Variants in KIAA1671 observed in about 807,000 individuals in gnomAD.
KIAA1671 encodes the protein KIAA1671.
A neutral mutation model predicts 131.2 loss-of-function variants in KIAA1671; 52 were observed. That is an observed-to-expected ratio of 0.40 (90% confidence interval 0.32 to 0.50). KIAA1671 has a LOEUF of 0.50. Ranked by LOEUF, KIAA1671 falls within the 20% of genes least tolerant of loss-of-function variation. The pLI, the probability that KIAA1671 is intolerant of heterozygous loss-of-function variation, is 0.73. For synonymous variants in KIAA1671, 1,003 were observed against 961.6 expected (o/e 1.04, Z -0.80); for missense variants, 2,360 against 2,364.2 (o/e 1.00, Z 0.04).
At chr22:24,973,606 A>G (rs1024350208) in intron 1 of KIAA1671, among the ~76,000 whole-genome samples, 3 of 151,464 alleles carry the variant, frequency 2.0e-5, no homozygotes, top group African/African-American at 7.3e-5. Context: ...TACTAGGCCA[A>G]GCTGGTCTCT....
intron 6 of KIAA1671, among the ~76,000 whole-genome samples, chr22:25,136,799 G>A (rs1601346961): frequency 6.6e-6 from 1 of 152,216 alleles, no homozygotes. Context: ...TCTCAAGGCA[G>A]AACTTAGACC....
At chr22:24,987,024 G>C (rs9624688) in intron 1 of KIAA1671, among the ~76,000 whole-genome samples, 1 of 152,056 alleles carries the variant, frequency 6.6e-6, no homozygotes, top group East Asian at 1.9e-4. Flanking sequence ...AGCCCAGACA[G>C]GATGTAAACA....
At chr22:25,178,589 T>G (rs1215561297) in intron 9 of KIAA1671, among the ~76,000 whole-genome samples, 1 of 152,236 alleles carries the variant, frequency 6.6e-6, no homozygotes, top group Non-Finnish European at 1.5e-5. Flanking sequence ...AGTGGGGGAC[T>G]GTCCATGCTG....
At chr22:24,980,372 A>C in intron 1 of KIAA1671, among the ~76,000 whole-genome samples, 1 of 151,280 alleles carries the variant, frequency 6.6e-6, no homozygotes, top group African/African-American at 2.4e-5. Context: ...CCCGGATTCA[A>C]GCAATTCTCC....
chr22:25,020,945 C>G lies in KIAA1671; in HGVS notation c.-207-4688C>G, dbSNP rs1179852419. Among the ~76,000 whole-genome samples, 3 of 152,078 alleles carry G rather than the reference C, an allele frequency of 2.0e-5. No homozygotes were observed. In the East Asian group the frequency reaches 5.8e-4, roughly 29 times the overall value. On this transcript the variant is annotated intron_variant, in intron 1 of 12. Coordinates refer to ENST00000358431, the MANE Select transcript of KIAA1671 (RefSeq NM_001145206.2). ...TTATTCAGAAAGCATCAGGGAGACA[C>G]GGGGGCGTTAAGCAGGGGAATGACA...
rs1160731593 is a variant in KIAA1671 at position 25,121,737 on chromosome 22, G to T, written c.4531-49083G>T. 2.0e-5 allele frequency among the ~76,000 whole-genome samples: 3 copies of T among 152,288 alleles called. No individual in the cohort carries two copies. The East Asian group carries it at 5.8e-4, about 29-fold the overall frequency. ...GTATTTTTACCACACAGATATAATA[G>T]ACATAAGTGACGGCAAGCCCGTGGA... On this transcript the variant is annotated intron_variant, in intron 6 of 12. Coordinates refer to ENST00000358431, the MANE Select transcript of KIAA1671 (RefSeq NM_001145206.2).
At chr22:25,190,929 T>G in intron 12 of KIAA1671, 145 bp downstream of exon 12, 2 of 621,600 alleles carry the variant, frequency 3.2e-6, no homozygotes, top group South Asian at 3.7e-5. Context: ...GTGGGGGGTG[T>G]TCTGAGTTCC....
chr22:24,978,286 T>G (rs1453904714), intron 1 of KIAA1671, among the ~76,000 whole-genome samples: 4 of 152,180 alleles, frequency 2.6e-5, no homozygotes, highest in Admixed American at 2.6e-4. Flanking sequence ...TTTTATCAGG[T>G]GTTTCTGCTT....
At chr22:25,127,893 C>T (rs578189803) in intron 6 of KIAA1671, among the ~76,000 whole-genome samples, 2 of 152,148 alleles carry the variant, frequency 1.3e-5, no homozygotes, top group Non-Finnish European at 2.9e-5. Context: ...GGTTTCTGAG[C>T]TGAATTGTGG....
At chr22:24,972,536 C>G (rs1922678560) in intron 1 of KIAA1671, among the ~76,000 whole-genome samples, 1 of 152,194 alleles carries the variant, frequency 6.6e-6, no homozygotes, top group South Asian at 2.1e-4. Context: ...GTGTATTCAT[C>G]TATCATTTCA....
chr22:25,068,459 C>G (rs762986606), intron 6 of KIAA1671, among the ~76,000 whole-genome samples: 59 of 151,668 alleles, frequency 3.9e-4, no homozygotes, highest in Non-Finnish European at 2.4e-4. Context: ...TTTTTTGAGA[C>G]AGAGCCTCAC....
intron 1 of KIAA1671, among the ~76,000 whole-genome samples, chr22:24,976,186 C>T (rs1175924510): frequency 2.0e-5 from 3 of 152,226 alleles, no homozygotes; most frequent in African/African-American, 2.4e-5. Context: ...AAGGATTGCT[C>T]CACATTCGGC....
chr22:25,101,420 G>A (rs1252228441), intron 6 of KIAA1671, among the ~76,000 whole-genome samples: 1 of 152,186 alleles, frequency 6.6e-6, no homozygotes, highest in Non-Finnish European at 1.5e-5. Flanking sequence ...TTGAGCTGAG[G>A]GTGGGGCCTG....
At chr22:25,157,277 G>A (rs112397804) in intron 6 of KIAA1671, among the ~76,000 whole-genome samples, 2,283 of 152,254 alleles carry the variant, frequency 0.015, 23 homozygotes, top group Non-Finnish European at 0.026. Context: ...TCCTCTCCTA[G>A]AGACAAGTAT....
chr22:25,178,014 G>A (rs1476701614), intron 9 of KIAA1671, among the ~76,000 whole-genome samples: 4 of 152,148 alleles, frequency 2.6e-5, no homozygotes, highest in Non-Finnish European at 4.4e-5. Context: ...AAGGCCTCCC[G>A]CAGGATGGAA....
In KIAA1671 at chr22:25,039,990, C is replaced by A; in HGVS notation, c.2860C>A (p.Pro954Thr). ...MDRWRRRTLP[P>T]NVKFDTFSSL... is the part of the protein sequence containing the mutation. ...CAGATGGCGGCGGCGGACTTTACCC[C>A]CCAACGTGAAATTTGATACATTCAG... The change falls in exon 5 of 13, where the codon CCC becomes ACC. Residue 954 changes from proline to threonine, a missense_variant. Coordinates refer to ENST00000358431, the MANE Select transcript of KIAA1671 (RefSeq NM_001145206.2). 1 of 1,551,302 alleles carries A rather than the reference C, an allele frequency of 6.4e-7. No homozygotes were observed. The highest frequency in any genetic ancestry group is 1.4e-5 in the African/African-American group (1 of 73,170).
At chr22:24,977,423 C>T (rs1183429554) in intron 1 of KIAA1671, among the ~76,000 whole-genome samples, 2 of 152,196 alleles carry the variant, frequency 1.3e-5, no homozygotes, top group East Asian at 1.9e-4. Context: ...TGAGGCTCAG[C>T]AGGGATGGTA....
chr22:25,058,602 G>A (rs1251747088), intron 6 of KIAA1671: 1 of 152,170 alleles, frequency 6.6e-6, no homozygotes, highest in Non-Finnish European at 1.5e-5. Flanking sequence ...GTGGGGATGA[G>A]TTGTTTATAT....
intron 1 of KIAA1671, among the ~76,000 whole-genome samples, chr22:24,995,348 G>A (rs563119039): frequency 7.3e-6 from 1 of 137,810 alleles, no homozygotes; most frequent in South Asian, 2.4e-4. Context: ...CACTGCGCCC[G>A]GCCAAGGTTT....
Sources: gnomAD v4.1 joint callset for allele counts (sites outside exome capture counted in the v4.1 genomes callset) on GRCh38, gnomAD v4.1.1 for gene constraint, MANE v1.5 for transcripts, NCBI Gene and HGNC (gene_info 2026-07-23, HGNC 2026-07-21) for gene names.